PDE9A: variants seen among roughly 807,000 people sequenced by gnomAD.
PDE9A encodes the protein phosphodiesterase 9A.
Under a neutral mutation model 87.4 loss-of-function variants are expected in PDE9A, and 60 were observed. That is an observed-to-expected ratio of 0.69 (90% CI 0.56 to 0.85). The LOEUF (loss-of-function observed/expected upper bound fraction) is 0.85, where lower values mean the gene tolerates loss of function less well. Ranked by LOEUF, PDE9A falls within the 40% of genes least tolerant of loss-of-function variation. The pLI, the probability that PDE9A is intolerant of heterozygous loss-of-function variation, is 0.00. For synonymous variants in PDE9A, 272 were observed against 279.4 expected (o/e 0.97, Z 0.27); for missense variants, 665 against 779.0 (o/e 0.85, Z 1.74).
chr21:42,731,122 T>C (rs2051686814), intron 4 of PDE9A, among the ~76,000 whole-genome samples: 4 of 152,192 alleles, frequency 2.6e-5, no homozygotes, highest in Admixed American at 2.6e-4. Context: ...CATGCCTGGC[T>C]AATTTTGTAT....
At chr21:42,775,195 C>T in intron 19 of PDE9A, 85 bp from the exon 20 acceptor site, 1 of 1,341,240 alleles carries the variant, frequency 7.5e-7, no homozygotes, top group Non-Finnish European at 1.1e-6. Flanking sequence ...CCACCTTGGT[C>T]TCTCAAAGTG....
chr21:42,685,372 C>G (rs1208836130), intron 1 of PDE9A, among the ~76,000 whole-genome samples: 1 of 152,228 alleles, frequency 6.6e-6, no homozygotes, highest in African/African-American at 2.4e-5. Flanking sequence ...ACCGCGGGCG[C>G]CCAGGATCCT....
intron 4 of PDE9A, among the ~76,000 whole-genome samples, chr21:42,730,139 G>A (rs912238912): frequency 2.6e-5 from 4 of 152,188 alleles, no homozygotes; most frequent in Admixed American, 2.0e-4. Context: ...CAAGTGGCCT[G>A]TAAAACCCTA....
At chr21:42,771,912 C>T (rs1209873418) in intron 18 of PDE9A, among the ~76,000 whole-genome samples, 1 of 152,220 alleles carries the variant, frequency 6.6e-6, no homozygotes. Flanking sequence ...GCTGAGAGCA[C>T]TTATGCAGAG....
At chr21:42,709,384 A>G (rs1240946624) in intron 4 of PDE9A, among the ~76,000 whole-genome samples, 2 of 152,220 alleles carry the variant, frequency 1.3e-5, no homozygotes, top group African/African-American at 2.4e-5. Context: ...TGACAGGTGC[A>G]GCAAACCACC....
At position 42,653,787 on chromosome 21, in the gene PDE9A, A is replaced by G; in HGVS notation, c.-28A>G. On this transcript the variant is annotated 5_prime_UTR_variant, in exon 1 of 20. Coordinates refer to ENST00000291539, the MANE Select transcript of PDE9A (RefSeq NM_002606.3). ...GCTGGCGTCGGGAAAGTACAGTAAA[A>G]AGTCCGAGTGCAGCCGCCGGGCGCA... 3 of 1,503,792 alleles carry G rather than the reference A, an allele frequency of 2.0e-6. No individual in the cohort carries two copies. Among genetic ancestry groups the G allele is most frequent in the Non-Finnish European group, 2.7e-6 (3 of 1,121,084 alleles). 93.2% of individuals were successfully genotyped at this position (1,503,792 alleles called of 1,614,324 possible).
chr21:42,721,389 G>A (rs1201664845), intron 4 of PDE9A, among the ~76,000 whole-genome samples: 1 of 152,152 alleles, frequency 6.6e-6, no homozygotes. Flanking sequence ...TCCTTTCTTC[G>A]TCATATCTGA....
intron 4 of PDE9A, among the ~76,000 whole-genome samples, chr21:42,731,192 A>AG (rs889004726): frequency 3.2e-4 from 49 of 152,330 alleles, no homozygotes; most frequent in African/African-American, 1.2e-3. Context: ...TCCCGACCTC[A>AG]GGTGATCTGC....
intron 15 of PDE9A, among the ~76,000 whole-genome samples, chr21:42,765,789 A>G (rs2056337589): frequency 6.6e-6 from 1 of 152,204 alleles, no homozygotes; most frequent in Non-Finnish European, 1.5e-5. Context: ...TTTCCAGAGA[A>G]TAAAACCAGC....
At position 42,759,622 on chromosome 21, in the gene PDE9A, G is replaced by A. The variant is rs1024298052; in HGVS notation, c.897+537G>A. On this transcript the variant is annotated intron_variant, in intron 11 of 19. Transcript: ENST00000291539. The surrounding 1 kb of genome is among the most constrained non-coding windows in gnomAD (Gnocchi z 7.2). ...GTGAATGTGTGGTGGGAGTGTGTGGGGTGGGAGTAGGAGTGTGGAGGTGTG... is the reference window on the plus strand; with the variant it reads ...GTGAATGTGTGGTGGGAGTGTGTGGAGTGGGAGTAGGAGTGTGGAGGTGTG... Among the ~76,000 whole-genome samples, 15 of 151,120 alleles carry A rather than the reference G, an allele frequency of 9.9e-5. No individual in the cohort carries two copies. The highest frequency in any genetic ancestry group is 3.3e-4 in the Admixed American group (5 of 15,148).
At chr21:42,764,989 G>GGATA (rs1445676444) in intron 14 of PDE9A, among the ~76,000 whole-genome samples, 3 of 121,210 alleles carry the variant, frequency 2.5e-5, no homozygotes, top group African/African-American at 3.8e-5. Flanking sequence ...GTGGGTGGAT[G>GGATA]GATGGATGGA....
At position 42,659,139 on chromosome 21, in the gene PDE9A, G is replaced by T. The variant is rs578205618; in HGVS notation, c.69+5256G>T. ...GGAAACTGGGCCCTTCCCAATTTTA[G>T]CCCAAGGGTGCCGAAAAGTCAGGGA... On this transcript the variant is annotated intron_variant, in intron 1 of 19. Coordinates refer to ENST00000291539, the MANE Select transcript of PDE9A (RefSeq NM_002606.3). The surrounding 1 kb of genome is among the most constrained non-coding windows in gnomAD (Gnocchi z 4.1). 6.6e-6 allele frequency among the ~76,000 whole-genome samples: 1 copy of T among 152,308 alleles called. No individual in the cohort carries two copies. The highest frequency in any genetic ancestry group is 2.4e-5 in the African/African-American group (1 of 41,554).
intron 8 of PDE9A, 128 bp downstream of exon 8, chr21:42,743,988 GA>G (rs2146905340): frequency 1.6e-6 from 1 of 642,296 alleles, no homozygotes; most frequent in African/African-American, 1.8e-5. Context: ...TCAGGCTTGG[GA>G]GAGTGCAGTC....
At chr21:42,729,546 G>T (rs2051504408) in intron 4 of PDE9A, among the ~76,000 whole-genome samples, 1 of 151,906 alleles carries the variant, frequency 6.6e-6, no homozygotes, top group South Asian at 2.1e-4. Context: ...ATCATTGTGG[G>T]TTTACTTTGC....
At chr21:42,653,940 C>A in intron 1 of PDE9A, 57 bp downstream of exon 1, 2 of 1,055,902 alleles carry the variant, frequency 1.9e-6, no homozygotes, top group Non-Finnish European at 2.8e-6. Flanking sequence ...GCGCCGGGGC[C>A]GGGCGCGGCG....
At chr21:42,698,416 C>T (rs749661346) in intron 3 of PDE9A, among the ~76,000 whole-genome samples, 11 of 152,150 alleles carry the variant, frequency 7.2e-5, no homozygotes, top group Non-Finnish European at 1.5e-4. Context: ...CAGAGGCTGT[C>T]GTGTGTCAGC....
chr21:42,774,958 G>C (rs182078394), intron 19 of PDE9A, among the ~76,000 whole-genome samples: 2 of 125,990 alleles, frequency 1.6e-5, no homozygotes, highest in Non-Finnish European at 3.4e-5. Context: ...TCCTTCTTTT[G>C]TGAGACGGAG....
intron 14 of PDE9A, among the ~76,000 whole-genome samples, chr21:42,763,238 G>A (rs371972802): frequency 4.6e-5 from 7 of 152,312 alleles, no homozygotes; most frequent in South Asian, 2.1e-4. Flanking sequence ...GAATAGCAGC[G>A]TCCTTCAAAC....
At position 42,660,626 on chromosome 21, in the gene PDE9A, A is replaced by T. The variant is rs80090958; in HGVS notation, c.69+6743A>T. ...CCCTTCCCCAAACACTATTGGAATTAAAAAAAAAAAAAAAGATTAAAATGG... is the reference window on the plus strand; with the variant it reads ...CCCTTCCCCAAACACTATTGGAATTTAAAAAAAAAAAAAAGATTAAAATGG... On this transcript the variant is annotated intron_variant, in intron 1 of 19. Transcript: ENST00000291539. This position sits in a 1 kb window ranked among gnomAD's most constrained non-coding sequence, Gnocchi z 4.7. Among the ~76,000 whole-genome samples, 12 of 94,106 alleles carry T rather than the reference A, an allele frequency of 1.3e-4. No homozygotes were observed. The highest frequency in any genetic ancestry group is 9.2e-5 in the Admixed American group (1 of 10,886). The allele number at this position is 94,106 out of a possible 152,430, so 61.7% of individuals were successfully genotyped here.
Sources: allele counts gnomAD v4.1 joint callset (sites outside exome capture counted in the v4.1 genomes callset), GRCh38; gene constraint gnomAD v4.1.1; non-coding constraint Gnocchi (gnomAD v3.1); transcripts MANE v1.5; gene names NCBI Gene and HGNC (gene_info 2026-07-23, HGNC 2026-07-21).